ABL1: variants seen among roughly 807,000 people sequenced by gnomAD.
The protein encoded by ABL1 is ABL proto-oncogene 1, non-receptor tyrosine kinase, also known as tyrosine-protein kinase ABL1.
A neutral mutation model predicts 94.7 loss-of-function variants in ABL1; 11 were observed. The observed-to-expected ratio is 0.12, with a 90% confidence interval of 0.07 to 0.19. The LOEUF (loss-of-function observed/expected upper bound fraction) is 0.19. Ranked by LOEUF, ABL1 falls within the 10% of genes least tolerant of loss-of-function variation. ABL1 has a pLI of 1.00. For synonymous variants in ABL1, 656 were observed against 622.4 expected, an observed-to-expected ratio of 1.05 and a Z score of -0.80; for missense variants, 1,082 against 1,489.4, an observed-to-expected ratio of 0.73 and a Z score of 4.50.
rs2133041106 is a variant in ABL1, at chr9:130,885,680, G to A, written c.3390G>A (p.Arg1130=). 6.2e-7 allele frequency: 1 copy of A among 1,608,248 alleles called. No homozygotes were observed. ...AGGAAATCAGTGACATAGTGCAGAG[G>A]TAGCAGCAGTCAGGGGTCAGGTGTC... ...SVKEISDIVQ[R] Residue 1130 remains arginine (R), a synonymous_variant, in exon 11 of 11, where the codon AGG becomes AGA. Transcript: ENST00000318560.
chr9:130,714,002 TTC>T (rs1449545547), exon 1 of ABL1: 1 of 280,130 alleles, frequency 3.6e-6, no homozygotes, highest in Non-Finnish European at 6.7e-6. Context: ...CTGTGAATAT[TTC>T]TGTTTAGGTT....
chr9:130,872,251 C>T lies in ABL1; in HGVS notation c.907+38C>T, dbSNP rs1831262626. On this transcript the variant is annotated intron_variant, in intron 5 of 10. Transcript: ENST00000318560. This position sits in a 1 kb window ranked among gnomAD's most constrained non-coding sequence, Gnocchi z 5.0. ...GGGGCTCTGAAGAGAGGGTCTCGCG[C>T]CGCACCCCCAGGGTGACACAGGCGC... The T allele has an allele frequency of 6.3e-7, 1 of 1,587,524 alleles. No individual in the cohort carries two copies.
At chr9:130,877,636 C>A (rs1831369838) in intron 7 of ABL1, among the ~76,000 whole-genome samples, 1 of 146,122 alleles carries the variant, frequency 6.8e-6, no homozygotes, top group South Asian at 2.1e-4. Flanking sequence ...CTGTCCTGGT[C>A]TCCTTTTTTT....
At chr9:130,723,867 A>T (rs1414418363) in intron 1 of ABL1, among the ~76,000 whole-genome samples, 1 of 151,668 alleles carries the variant, frequency 6.6e-6, no homozygotes, top group African/African-American at 2.4e-5. Context: ...GCTGGAGTGC[A>T]GTGGCGCGAT....
intron 1 of ABL1, among the ~76,000 whole-genome samples, chr9:130,853,710 C>T (rs763445126): frequency 6.6e-6 from 1 of 152,176 alleles, no homozygotes; most frequent in African/African-American, 2.4e-5. Context: ...CCACCATGCC[C>T]GGCTAAAGCA....
At chr9:130,798,407 T>C (rs1216354185) in intron 1 of ABL1, among the ~76,000 whole-genome samples, 2 of 152,188 alleles carry the variant, frequency 1.3e-5, no homozygotes, top group Non-Finnish European at 2.9e-5. Context: ...TTATTAAGTA[T>C]CGCTTGCAGT....
chr9:130,878,455 G>C lies in ABL1; in HGVS notation c.1311G>C (p.Met437Ile), dbSNP rs1387736425. Reference protein sequence around the residue: ...VLLWEIATYGMSPYPGIDLSQ... With the variant: ...VLLWEIATYGISPYPGIDLSQ... ...TTTGGGAAATTGCTACCTATGGCATGTCCCCTTACCCGGGAATTGACCTGT... is the reference window on the plus strand; with the variant it reads ...TTTGGGAAATTGCTACCTATGGCATCTCCCCTTACCCGGGAATTGACCTGT... The change falls in exon 8 of 11, where the codon ATG becomes ATC. Residue 437 changes from methionine (M) to isoleucine (I), a missense_variant. Coordinates refer to ENST00000318560, the MANE Select transcript of ABL1 (RefSeq NM_005157.6). 6.2e-7 allele frequency: 1 copy of C among 1,614,244 alleles called. No individual in the cohort carries two copies. The highest frequency in any genetic ancestry group is 8.5e-7 in the Non-Finnish European group (1 of 1,180,032).
rs986087130 is a variant in ABL1, at chr9:130,886,787, C to T, written c.*1104C>T. 4.7e-5 allele frequency: 11 copies of T among 233,366 alleles called. No individual in the cohort carries two copies. In the Admixed American group the frequency reaches 5.6e-4, roughly 12 times the overall value. The allele number at this position is 233,366 out of a possible 1,614,324, so 14.5% of individuals were successfully genotyped here. ...CAAAGCCCTGCCTCTGTGTAGCCGC[C>T]CTGAGAGAGAATAGAGCTGCCACTG... On this transcript the variant is annotated 3_prime_UTR_variant, in exon 11 of 11. Coordinates refer to ENST00000318560, the MANE Select transcript of ABL1 (RefSeq NM_005157.6).
intron 1 of ABL1, among the ~76,000 whole-genome samples, chr9:130,744,874 C>G (rs368026566): frequency 7.0e-6 from 1 of 143,280 alleles, no homozygotes; most frequent in Admixed American, 6.9e-5. Context: ...AAAAAAAAAA[C>G]AAAACTATCT....
At chr9:130,736,881 T>C (rs1831751467) in intron 1 of ABL1, among the ~76,000 whole-genome samples, 1 of 152,188 alleles carries the variant, frequency 6.6e-6, no homozygotes, top group Non-Finnish European at 1.5e-5. Context: ...GATATTTAAA[T>C]AGGAAACTAT....
intron 1 of ABL1, among the ~76,000 whole-genome samples, chr9:130,785,592 C>G (rs1445157076): frequency 6.6e-6 from 1 of 152,094 alleles, no homozygotes; most frequent in East Asian, 1.9e-4. Flanking sequence ...TTTGCTACTT[C>G]TGTACCCCTG....
intron 2 of ABL1, among the ~76,000 whole-genome samples, chr9:130,854,567 T>G (rs905913093): frequency 6.6e-6 from 1 of 152,188 alleles, no homozygotes; most frequent in Admixed American, 6.5e-5. Context: ...TAAACATAAT[T>G]GATTTATAAA....
intron 1 of ABL1, among the ~76,000 whole-genome samples, chr9:130,811,372 T>G (rs968898531): frequency 2.0e-5 from 3 of 152,284 alleles, no homozygotes; most frequent in Admixed American, 6.5e-5. Flanking sequence ...GATAAATACA[T>G]AAGATATTTT....
At chr9:130,763,962 T>C (rs1350831911) in intron 1 of ABL1, among the ~76,000 whole-genome samples, 1 of 152,098 alleles carries the variant, frequency 6.6e-6, no homozygotes, top group African/African-American at 2.4e-5. Flanking sequence ...AAGGGGAACA[T>C]GAACCTAACA....
At chr9:130,790,739 G>T (rs937183173) in intron 1 of ABL1, among the ~76,000 whole-genome samples, 1 of 151,800 alleles carries the variant, frequency 6.6e-6, no homozygotes, top group African/African-American at 2.4e-5. Context: ...GTCCCAAAGT[G>T]CTGGGATTAC....
At chr9:130,838,006 A>G (rs970337365) in intron 1 of ABL1, among the ~76,000 whole-genome samples, 2 of 152,262 alleles carry the variant, frequency 1.3e-5, no homozygotes, top group Non-Finnish European at 2.9e-5. Context: ...CTAGCTGTCA[A>G]AGCAACACTG....
At chr9:130,833,047 GAT>G (rs1830511567), upstream of ABL1, among the ~76,000 whole-genome samples, 1 of 151,220 alleles carries the variant, frequency 6.6e-6, no homozygotes. Context: ...GATTTAAGAG[GAT>G]AAGATCATTT....
chr9:130,763,073 A>G (rs1247546291), intron 1 of ABL1, among the ~76,000 whole-genome samples: 1 of 152,112 alleles, frequency 6.6e-6, no homozygotes, highest in Non-Finnish European at 1.5e-5. Flanking sequence ...CGCTTCATGT[A>G]TCATTGGCCC....
chr9:130,757,056 T>C (rs1468075231), intron 1 of ABL1, among the ~76,000 whole-genome samples: 2 of 152,180 alleles, frequency 1.3e-5, no homozygotes, highest in Non-Finnish European at 2.9e-5. Flanking sequence ...TCCAGCCGTC[T>C]GTGAGAAGGC....
Sources: allele counts gnomAD v4.1 joint callset (sites outside exome capture counted in the v4.1 genomes callset), GRCh38; gene constraint gnomAD v4.1.1; non-coding constraint Gnocchi (gnomAD v3.1); transcripts MANE v1.5; gene names NCBI Gene and HGNC (gene_info 2026-07-23, HGNC 2026-07-21).